ANKRD26: variants seen among roughly 807,000 people sequenced by gnomAD.
ANKRD26 encodes the protein ankyrin repeat domain 26, also known as ankyrin repeat domain-containing protein 26.
In ANKRD26, 141 loss-of-function variants were observed where a neutral mutation model predicts 208.7. The ratio of observed to expected loss-of-function variants is 0.68; its 90% CI spans 0.59 to 0.78. The LOEUF (loss-of-function observed/expected upper bound fraction) is 0.78. ANKRD26 is among the 30% of genes least tolerant of loss of function. ANKRD26 has a pLI of 0.00. For missense variants in ANKRD26, 1,889 were observed against 1,938.7 expected, an observed-to-expected ratio of 0.97 and a Z score of 0.48; for synonymous variants, 636 against 660.4, an observed-to-expected ratio of 0.96 and a Z score of 0.57.
At chr10:27,047,742 T>TAATA (rs1564388519) in intron 17 of ANKRD26, among the ~76,000 whole-genome samples, 1 of 55,240 alleles carries the variant, frequency 1.8e-5, no homozygotes, top group South Asian at 5.4e-4. Context: ...TAATAATAAT[T>TAATA]ATTATTATTA....
chr10:27,092,325 C>A, intron 4 of ANKRD26, 81 bp downstream of exon 4: 1 of 1,072,870 alleles, frequency 9.3e-7, no homozygotes. Flanking sequence ...GTTTAAAAAA[C>A]CTGTAACATG....
chr10:27,097,446 A>G lies in ANKRD26; in HGVS notation c.242+2639T>C, dbSNP rs139191861. On this transcript the variant is annotated intron_variant, in intron 1 of 33. Transcript: ENST00000376087. The stretch of plus-strand genomic sequence containing the variant: ...CACTGCACTCCAGCCTGGGCAACAG[A>G]GGGAGACTCTGTCTAAGAAAAAAAG... Among the ~76,000 whole-genome samples, 903 of 152,248 alleles carry G rather than the reference A, an allele frequency of 5.9e-3. 36 individuals are homozygous for G. In the East Asian group the frequency reaches 0.11, roughly 19 times the overall value.
chr10:26,994,887 T>C (rs572931034), intron 5 of ANKRD26, among the ~76,000 whole-genome samples: 4 of 152,328 alleles, frequency 2.6e-5, no homozygotes, highest in African/African-American at 7.2e-5. Flanking sequence ...AGCTCGCCAA[T>C]TGAAAAGCTC....
intron 8 of ANKRD26, 29 bp downstream of exon 8, chr10:27,077,604 C>T (rs190727954): frequency 1.2e-6 from 2 of 1,612,202 alleles, no homozygotes; most frequent in Non-Finnish European, 1.7e-6. Context: ...GTGAATAACA[C>T]AAGAATAAGC....
At chr10:26,988,913 G>A (rs1220299453), downstream of ANKRD26, among the ~76,000 whole-genome samples, 2 of 151,204 alleles carry the variant, frequency 1.3e-5, no homozygotes, top group Non-Finnish European at 1.5e-5. Flanking sequence ...TCTCCTGTTC[G>A]TTTTTATCTT....
the ANKRD26 span, among the ~76,000 whole-genome samples, chr10:26,948,089 C>G: frequency 6.6e-6 from 1 of 152,164 alleles, no homozygotes; most frequent in Admixed American, 6.5e-5. Context: ...TCCAGGCAGA[C>G]GCCTCCATGC....
At chr10:26,998,323 C>T (rs1403327700) in intron 4 of ANKRD26, among the ~76,000 whole-genome samples, 3 of 152,220 alleles carry the variant, frequency 2.0e-5, no homozygotes, top group Non-Finnish European at 2.9e-5. Context: ...ATTCAATCCA[C>T]AACCCTTTGG....
intron 1 of ANKRD26, among the ~76,000 whole-genome samples, chr10:27,099,159 T>C (rs543095788): frequency 6.6e-6 from 1 of 152,142 alleles, no homozygotes; most frequent in South Asian, 2.1e-4. Flanking sequence ...CCTAGCTAAT[T>C]TTTGTATTTT....
chr10:27,017,433 CATATA>C, intron 30 of ANKRD26, 64 bp downstream of exon 30: 1 of 1,532,160 alleles, frequency 6.5e-7, no homozygotes, highest in Non-Finnish European at 9.0e-7. Flanking sequence ...AGAGGAAACA[CATATA>C]ATGTATATAT....
At chr10:26,999,986 C>G (rs2052685584), downstream of ANKRD26, among the ~76,000 whole-genome samples, 1 of 152,106 alleles carries the variant, frequency 6.6e-6, no homozygotes, top group African/African-American at 2.4e-5. Context: ...ATTTGCAAGA[C>G]AAACTCCCAG....
At position 27,100,122 on chromosome 10, in the gene ANKRD26, T is replaced by C; in HGVS notation, c.205A>G (p.Arg69Gly). 6.2e-7 allele frequency: 1 copy of C among 1,614,174 alleles called. No homozygotes were observed. The highest frequency in any genetic ancestry group is 8.5e-7 in the Non-Finnish European group (1 of 1,179,996). The stretch of plus-strand genomic sequence containing the variant: ...TCTCTATCGTTCAAGCCATTCTTCC[T>C]GAGCAAAAGGATCTGCTGCACTTTC... The part of the protein sequence containing the change: ...VAKVQQILLL[R>G]KNGLNDRDKM... The change falls in exon 1 of 34, where the codon AGG becomes GGG. Residue 69 changes from arginine to glycine, a missense_variant. This residue lies in a region of ANKRD26 where 1,272 missense variants were observed against 1,273.8 expected (regional missense o/e 1.00). Transcript: ENST00000376087.
chr10:27,036,198 C>A (rs1197582), intron 23 of ANKRD26, among the ~76,000 whole-genome samples: 150,950 of 152,142 alleles, frequency 0.99, 74,888 homozygotes, highest in Middle Eastern at 1. Flanking sequence ...TTTTTCTGAG[C>A]ATATTCTATA....
intron 32 of ANKRD26, among the ~76,000 whole-genome samples, chr10:27,007,829 T>A (rs1009429757): frequency 3.3e-5 from 5 of 152,106 alleles, no homozygotes; most frequent in Non-Finnish European, 7.4e-5. Context: ...ATAAATATTA[T>A]CCTATCTATA....
At chr10:27,067,476 C>A (rs930690483) in intron 9 of ANKRD26, among the ~76,000 whole-genome samples, 190 bp from the exon 10 acceptor site, 2 of 151,824 alleles carry the variant, frequency 1.3e-5, no homozygotes, top group Non-Finnish European at 2.9e-5. Flanking sequence ...AAAGAGGTTT[C>A]ACTGGCTCAT....
At chr10:26,963,730 T>G in the ANKRD26 span, among the ~76,000 whole-genome samples, 1 of 152,204 alleles carries the variant, frequency 6.6e-6, no homozygotes, top group East Asian at 1.9e-4. Context: ...AGTGTTTGCA[T>G]ATAACCTACA....
At chr10:27,086,635 T>G in intron 4 of ANKRD26, 26 bp from the exon 5 acceptor site, 1 of 1,588,370 alleles carries the variant, frequency 6.3e-7, no homozygotes. Context: ...TGTAACAAAA[T>G]TATGTTAATA....
rs145996635 is a variant in ANKRD26 at position 27,082,647 on chromosome 10, C to T, written c.740+156G>A. Among the ~76,000 whole-genome samples the T allele has an allele frequency of 3.1e-3, 469 of 152,270 alleles. 2 individuals carry two copies. Among genetic ancestry groups the T allele is most frequent in the African/African-American group, 0.011 (443 of 41,548 alleles). On this transcript the variant is annotated intron_variant, in intron 6 of 33. Coordinates refer to ENST00000376087, the MANE Select transcript of ANKRD26 (RefSeq NM_014915.3). ...AATTAATCAACCTCTCTGAACCACA[C>T]AGTTGGGTTGTAATATAGCACAGAT...
intron 16 of ANKRD26, among the ~76,000 whole-genome samples, chr10:27,049,268 C>T (rs2054566075): frequency 6.6e-6 from 1 of 151,790 alleles, no homozygotes; most frequent in African/African-American, 2.4e-5. Flanking sequence ...GCTTTTATTC[C>T]CATCCAATCT....
At chr10:26,949,170 AT>A in the ANKRD26 span, among the ~76,000 whole-genome samples, 2 of 152,216 alleles carry the variant, frequency 1.3e-5, no homozygotes, top group African/African-American at 2.4e-5. Context: ...CTAATTTACC[AT>A]TTAATCAGCT....
Sources: gnomAD v4.1 joint callset for allele counts (sites outside exome capture counted in the v4.1 genomes callset) on GRCh38, gnomAD v4.1.1 for gene constraint, gnomAD v4.1.1 regional missense constraint, MANE v1.5 for transcripts, NCBI Gene and HGNC (gene_info 2026-07-23, HGNC 2026-07-21) for gene names.